Variants in ARHGAP39 observed in about 807,000 individuals in gnomAD.
ARHGAP39 encodes the protein Rho GTPase activating protein 39.
In ARHGAP39, 44 loss-of-function variants were observed where a neutral mutation model predicts 106.9. That is an observed-to-expected ratio of 0.41 (90% confidence interval 0.32 to 0.53). ARHGAP39 has a LOEUF of 0.53. Among genes scored for constraint, ARHGAP39 ranks in the 20% least tolerant of loss-of-function variants. The pLI, the probability that ARHGAP39 is intolerant of heterozygous loss-of-function variation, is 0.21. For synonymous variants in ARHGAP39, 768 were observed against 693.2 expected (o/e 1.11, Z -1.69); for missense variants, 1,496 against 1,577.3 (o/e 0.95, Z 0.87).
chr8:144,669,614 T>C (rs1237431185), intron 1 of ARHGAP39, among the ~76,000 whole-genome samples: 1 of 150,906 alleles, frequency 6.6e-6, no homozygotes, highest in Admixed American at 6.6e-5. Flanking sequence ...CATTTGTAAA[T>C]TGTATATATC....
intron 1 of ARHGAP39, among the ~76,000 whole-genome samples, chr8:144,630,143 G>T (rs1377427106): frequency 6.6e-6 from 1 of 152,156 alleles, no homozygotes; most frequent in Non-Finnish European, 1.5e-5. Flanking sequence ...GAACCGGCAG[G>T]CCTGGTCAAC....
chr8:144,646,735 A>G lies in ARHGAP39; in HGVS notation c.-82+38951T>C, dbSNP rs1358675945. Among the ~76,000 whole-genome samples the G allele has an allele frequency of 6.6e-6, 1 of 152,236 alleles. No homozygotes were observed. Among genetic ancestry groups the G allele is most frequent in the Non-Finnish European group, 1.5e-5 (1 of 68,040 alleles). ...AAGGGCATGGGAACCTGCAGGAGAC[A>G]GCCTGGTCCTGGTGAGACCCTCGCT... On this transcript the variant is annotated intron_variant, in intron 1 of 11. Transcript: ENST00000377307. The surrounding 1 kb of genome is among the most constrained non-coding windows in gnomAD (Gnocchi z 5.7).
intron 3 of ARHGAP39, among the ~76,000 whole-genome samples, chr8:144,562,819 C>A (rs1357605969): frequency 1.3e-5 from 2 of 152,016 alleles, no homozygotes; most frequent in Non-Finnish European, 2.9e-5. Context: ...CCAGTGGTTT[C>A]CATCACACTC....
At chr8:144,535,384 G>A (rs368796978) in intron 7 of ARHGAP39, among the ~76,000 whole-genome samples, 127 of 152,340 alleles carry the variant, frequency 8.3e-4, no homozygotes, top group African/African-American at 2.9e-3. Context: ...GGGACCACAG[G>A]TCTTGGCAGA....
At chr8:144,694,423 C>T in the ARHGAP39 span, among the ~76,000 whole-genome samples, 12 of 152,218 alleles carry the variant, frequency 7.9e-5, no homozygotes, top group African/African-American at 2.7e-4. Flanking sequence ...GTGGATGTCC[C>T]AGAGTGGAAC....
Position 144,604,735 on chromosome 8 carries a change from G to A in ARHGAP39, c.80+800C>T, listed in dbSNP as rs1820217659. Among the ~76,000 whole-genome samples, 1 of 152,148 alleles carries A rather than the reference G, an allele frequency of 6.6e-6. No homozygotes were observed. The highest frequency in any genetic ancestry group is 1.5e-5 in the Non-Finnish European group (1 of 68,020). ...GGGGCAGAGCTGACCTGGAGGCATG[G>A]GACACTGGCTGAGACGGGACAGGGC... On this transcript the variant is annotated intron_variant, in intron 2 of 11. Coordinates refer to ENST00000377307, the MANE Select transcript of ARHGAP39 (RefSeq NM_025251.3). The surrounding 1 kb of genome is among the most constrained non-coding windows in gnomAD (Gnocchi z 4.1).
chr8:144,650,467 G>A (rs1252963611), intron 1 of ARHGAP39, among the ~76,000 whole-genome samples: 1 of 152,010 alleles, frequency 6.6e-6, no homozygotes, highest in Non-Finnish European at 1.5e-5. Flanking sequence ...TATATATTCA[G>A]GCCAACATCC....
chr8:144,574,806 T>C (rs2130889671), intron 3 of ARHGAP39, among the ~76,000 whole-genome samples: 1 of 152,346 alleles, frequency 6.6e-6, no homozygotes, highest in African/African-American at 2.4e-5. Context: ...CAGTGAGCCA[T>C]GATTATGCCA....
In ARHGAP39 at chr8:144,635,863, CCGCCAGG is replaced by C. The variant is rs1449581429; in HGVS notation, c.-81-30175_-81-30169del. 2.1e-4 allele frequency among the ~76,000 whole-genome samples: 20 copies of C among 97,224 alleles called. 4 individuals are homozygous for C. The East Asian group carries it at 2.6e-3, about 13-fold the overall frequency. 63.8% of individuals were successfully genotyped at this position (97,224 alleles called of 152,430 possible). A position where few individuals can be genotyped will look rare whatever the true frequency, so the allele number is the denominator to read the frequency against. ...CTGAATTAGAGGGGGGCTGAGGCTA[CCGCCAGG>C]TAGACAGTGTGGGGACTGAATTAGA... On this transcript the variant is annotated intron_variant, in intron 1 of 11. Transcript: ENST00000377307.
rs1047478088 is a variant in ARHGAP39, at chr8:144,685,808, C to G, written c.-204G>C. Reference sequence around the variant, plus strand: ...GCCGCTGCTGCCGCGGCAGCCCGTGCTGTCGGCGTCCTCCGCCGCCGCCGC... The same window carrying G: ...GCCGCTGCTGCCGCGGCAGCCCGTGGTGTCGGCGTCCTCCGCCGCCGCCGC... On this transcript the variant is annotated 5_prime_UTR_variant, in exon 1 of 12. Transcript: ENST00000377307. 6.8e-6 allele frequency among the ~76,000 whole-genome samples: 1 copy of G among 147,862 alleles called. No individual in the cohort carries two copies. The highest frequency in any genetic ancestry group is 6.7e-5 in the Admixed American group (1 of 14,908).
At chr8:144,541,024 G>T (rs1327049977) in intron 6 of ARHGAP39, among the ~76,000 whole-genome samples, 1 of 152,000 alleles carries the variant, frequency 6.6e-6, no homozygotes, top group Non-Finnish European at 1.5e-5. Flanking sequence ...ACTAATTTTT[G>T]TATTTTTAGT....
At chr8:144,595,320 G>A (rs1380608681) in intron 2 of ARHGAP39, among the ~76,000 whole-genome samples, 10 of 152,314 alleles carry the variant, frequency 6.6e-5, no homozygotes, top group Non-Finnish European at 1.3e-4. Flanking sequence ...GCATGTCGAC[G>A]TGAGCGAAGG....
Position 144,532,059 on chromosome 8 carries a change from A to T in ARHGAP39, c.2980+246T>A, listed in dbSNP as rs372835385. 1.4e-5 allele frequency among the ~76,000 whole-genome samples: 2 copies of T among 143,414 alleles called. 1 individual carries two copies. The highest frequency in any genetic ancestry group is 5.9e-5 in the African/African-American group (2 of 33,864). 94.1% of individuals were successfully genotyped at this position (143,414 alleles called of 152,430 possible). The stretch of plus-strand genomic sequence containing the variant: ...GTAGGCTAGACATAGCAGGCACGGC[A>T]GAAGGGCACAGGGCAGGGAGCAGCA... On this transcript the variant is annotated intron_variant, in intron 10 of 11. Coordinates refer to ENST00000377307, the MANE Select transcript of ARHGAP39 (RefSeq NM_025251.3).
In ARHGAP39 at chr8:144,548,034, C is replaced by T. The variant is rs954018228; in HGVS notation, c.1052G>A (p.Arg351His). The T allele has an allele frequency of 3.1e-6, 5 of 1,604,918 alleles. No homozygotes were observed. The highest frequency in any genetic ancestry group is 3.3e-4 in the Middle Eastern group (2 of 6,044). ...GGGCTGGAGGAACGGCCGGGGCTTA[C>T]GGCCCGGCGACCGCTGGGGAGAGCC... ...QAGSPQRSPG[R>H]KPRPFLQPNK... The change falls in exon 5 of 12, where the codon CGT (arginine) becomes CAT (histidine). Residue 351 changes from arginine to histidine, a missense_variant. Arg to His is a conservative substitution (Grantham distance 29, BLOSUM62 0). Around this residue, in one of 4 missense-constraint regions of ARHGAP39, gnomAD observed 905 missense variants for 816.4 expected, o/e 1.11. Coordinates refer to ENST00000377307, the MANE Select transcript of ARHGAP39 (RefSeq NM_025251.3). This position sits in a 1 kb window ranked among gnomAD's most constrained non-coding sequence, Gnocchi z 7.4.
rs1821308567 is a variant in ARHGAP39 at position 144,641,297 on chromosome 8, T to C, written c.-81-35602A>G. ...AAAGGAGAGGCAGACGCTATTAAAT[T>C]CTTTATGGAATGAAAATTAACTCTT... On this transcript the variant is annotated intron_variant, in intron 1 of 11. Coordinates refer to ENST00000377307, the MANE Select transcript of ARHGAP39 (RefSeq NM_025251.3). The surrounding 1 kb of genome is among the most constrained non-coding windows in gnomAD (Gnocchi z 5.2). 1.3e-5 allele frequency among the ~76,000 whole-genome samples: 2 copies of C among 151,974 alleles called. No individual in the cohort carries two copies. The highest frequency in any genetic ancestry group is 2.9e-5 in the Non-Finnish European group (2 of 68,004).
intron 2 of ARHGAP39, among the ~76,000 whole-genome samples, chr8:144,582,106 G>A (rs1220215163): frequency 6.6e-6 from 1 of 151,596 alleles, no homozygotes; most frequent in Non-Finnish European, 1.5e-5. Context: ...TCGTTTCCAG[G>A]GAAAATGCAC....
chr8:144,562,079 G>A (rs1307241109), intron 3 of ARHGAP39, among the ~76,000 whole-genome samples: 1 of 142,674 alleles, frequency 7.0e-6, no homozygotes, highest in African/African-American at 2.7e-5. Context: ...TACTCCAGTG[G>A]TTTCCATCGG....
chr8:144,541,455 T>C (rs923864206), intron 6 of ARHGAP39, among the ~76,000 whole-genome samples: 11 of 152,244 alleles, frequency 7.2e-5, no homozygotes, highest in African/African-American at 2.2e-4. Context: ...TACATTTACA[T>C]TGTTGTACAA....
chr8:144,629,468 G>C (rs1262321378), intron 1 of ARHGAP39, among the ~76,000 whole-genome samples: 1 of 152,250 alleles, frequency 6.6e-6, no homozygotes, highest in East Asian at 1.9e-4. Context: ...CAGCAGGCTG[G>C]GGAAGGCCAG....
Sources: allele counts gnomAD v4.1 joint callset (sites outside exome capture counted in the v4.1 genomes callset), GRCh38; gene constraint gnomAD v4.1.1; regional missense constraint gnomAD v4.1.1; non-coding constraint Gnocchi (gnomAD v3.1); transcripts MANE v1.5; gene names NCBI Gene and HGNC (gene_info 2026-07-23, HGNC 2026-07-21).